The following CTSG variants were observed in gnomAD, a reference collection of about 807,000 sequenced individuals.
The protein encoded by CTSG is cathepsin G.
In CTSG, 23 loss-of-function variants were observed where a neutral mutation model predicts 23.0. That is an observed-to-expected ratio of 1.00 (90% CI 0.72 to 1.42). The LOEUF (loss-of-function observed/expected upper bound fraction) is 1.42, where lower values mean the gene tolerates loss of function less well. Ranked by LOEUF, CTSG falls within the 40% of genes most tolerant of loss-of-function variation. The probability of loss-of-function intolerance (pLI) is 0.00; values close to 1 mark genes in which losing one functional copy is unlikely to be tolerated. For synonymous variants in CTSG, 140 were observed against 130.4 expected, an observed-to-expected ratio of 1.07 and a Z score of -0.50; for missense variants, 312 against 326.2, an observed-to-expected ratio of 0.96 and a Z score of 0.33.
chr14:24,573,533 G>T lies in CTSG; in HGVS notation c.*104C>A, dbSNP rs2066725059. 8.5e-7 allele frequency: 1 copy of T among 1,180,160 alleles called. No homozygotes were observed. Among genetic ancestry groups the T allele is most frequent in the Admixed American group, 2.3e-5 (1 of 43,252 alleles). 73.1% of individuals were successfully genotyped at this position (1,180,160 alleles called of 1,614,324 possible). On this transcript the variant is annotated 3_prime_UTR_variant, in exon 5 of 5. Transcript: ENST00000216336. ...CCAAACAAACTAAGTACTGAATGAC[G>T]TTTAATGAACAAATGAGGAATTGGT...
intron 2 of CTSG, 37 bp downstream of exon 2, chr14:24,575,228 T>C (rs1000333362): frequency 6.2e-7 from 1 of 1,612,992 alleles, no homozygotes; most frequent in Admixed American, 1.7e-5. Flanking sequence ...CGCAGGGCTG[T>C]GTTCCTGGCT....
chr14:24,573,922 G>A (rs2066727589), intron 4 of CTSG, 112 bp from the exon 5 acceptor site: 1 of 981,960 alleles, frequency 1.0e-6, no homozygotes, highest in Admixed American at 2.4e-5. Context: ...ATTGCTGGGT[G>A]TGTGTGAGAT....
chr14:24,573,832 G>A, intron 4 of CTSG, 22 bp from the exon 5 acceptor site: 2 of 1,604,208 alleles, frequency 1.2e-6, no homozygotes, highest in Non-Finnish European at 1.7e-6. Flanking sequence ...GAGGAGAAGG[G>A]AGACTGAGAC....
In CTSG at chr14:24,575,384, C is replaced by T. The variant is rs2066736881; in HGVS notation, c.84G>A (p.Arg28=). The T allele has an allele frequency of 9.9e-6, 16 of 1,614,068 alleles. No individual in the cohort carries two copies. The highest frequency in any genetic ancestry group is 2.7e-5 in the African/African-American group (2 of 74,918). The change falls in exon 2 of 5, where the codon AGG becomes AGA. Residue 28 remains arginine (R), a synonymous_variant. Transcript: ENST00000216336. The part of the protein sequence containing the change: ...AGEIIGGRES[R]PHSRPYMAYL... ...ACGCCATGTAGGGGCGGGAGTGGGG[C>T]CTGCTCTCCCGGCCTCCGATGATCT...
Position 24,575,207 on chromosome 14 carries a change from C to G in CTSG, c.203+58G>C, listed in dbSNP as rs1594807362. ...ACTCTTCTTTCAGATGGCTCTTCCA[C>G]CGAAGAGCTCCGCAGGGCTGTGTTC... On this transcript the variant is annotated intron_variant, in intron 2 of 4. Transcript: ENST00000216336. 4 of 1,598,142 alleles carry G rather than the reference C, an allele frequency of 2.5e-6. No homozygotes were observed. In the East Asian group the frequency reaches 8.9e-5, roughly 36 times the overall value.
Position 24,573,741 on chromosome 14 carries a change from C to A in CTSG, c.664G>T (p.Gly222Trp), listed in dbSNP as rs752781132. The A allele has an allele frequency of 6.2e-7, 1 of 1,614,150 alleles. No homozygotes were observed. Among genetic ancestry groups the A allele is most frequent in the South Asian group, 1.1e-5 (1 of 91,086 alleles). Residue 222 changes from glycine to tryptophan, a missense_variant, in exon 5 of 5, where the codon GGG (glycine) becomes TGG (tryptophan). By Grantham distance (184) the Gly-to-Trp change is radical. Coordinates refer to ENST00000216336, the MANE Select transcript of CTSG (RefSeq NM_001911.3). ...HGIVSYGKSS[G>W]VPPEVFTRVS... ...CTGGTGAAGACTTCTGGAGGAACCC[C>A]TGACGACTTTCCATAGGAGACGATG...
rs2066728718 is a variant in CTSG at position 24,574,164 on chromosome 14, G to A, written c.594+81C>T. ...GGTCTGGCTGCCAGGCTGAGGCTGT[G>A]GGGATGGAATCTGTTCGCACTGCCT... On this transcript the variant is annotated intron_variant, in intron 4 of 4. Transcript: ENST00000216336. The A allele has an allele frequency of 3.9e-6, 6 of 1,537,888 alleles. No homozygotes were observed. In the African/African-American group the frequency reaches 4.1e-5, roughly 10 times the overall value.
chr14:24,573,808 C>T lies in CTSG; in HGVS notation c.597G>A (p.Gly199=), dbSNP rs139142097. The T allele has an allele frequency of 6.6e-5, 107 of 1,613,530 alleles. 1 individual carries two copies. Among genetic ancestry groups the T allele is most frequent in the Admixed American group, 4.3e-4 (26 of 59,988 alleles). ...DRRERKAAFK[G]DSGGPLLCNN... ...TACACAGCAGGGGGCCTCCGGAATC[C>T]CCCTGTAGGTAGAGAGGAGAAGGGA... Residue 199 remains glycine, a splice_region_variant and synonymous_variant, in exon 5 of 5, where the codon GGG becomes GGA. Coordinates refer to ENST00000216336, the MANE Select transcript of CTSG (RefSeq NM_001911.3).
In CTSG at chr14:24,574,412, T is replaced by A. The variant is rs1469427807; in HGVS notation, c.427A>T (p.Thr143Ser). The A allele has an allele frequency of 1.9e-6, 3 of 1,613,344 alleles. No homozygotes were observed. In the African/African-American group the frequency reaches 4.0e-5, roughly 21 times the overall value. The part of the protein sequence containing the change: ...QEGLRPGTLC[T>S]VAGWGRVSMR... ...CTGACCCTGCCCCAGCCGGCCACAGTGCACAGCGTCCCGGGTCTCAGTCCC... is the reference window on the plus strand; with the variant it reads ...CTGACCCTGCCCCAGCCGGCCACAGAGCACAGCGTCCCGGGTCTCAGTCCC... The change falls in exon 4 of 5, where the codon ACT becomes TCT. Residue 143 changes from threonine (T) to serine (S), a missense_variant. Physicochemically the swap from Thr to Ser is moderately conservative, Grantham distance 58. Transcript: ENST00000216336.
At chr14:24,574,942 G>A in intron 2 of CTSG, 132 bp from the exon 3 acceptor site, 1 of 1,166,850 alleles carries the variant, frequency 8.6e-7, no homozygotes, top group Non-Finnish European at 1.2e-6. Flanking sequence ...CTGGGGCTCA[G>A]CTGTATCCTC....
chr14:24,573,877 C>T, intron 4 of CTSG, 67 bp from the exon 5 acceptor site: 1 of 1,465,052 alleles, frequency 6.8e-7, no homozygotes, highest in Non-Finnish European at 9.3e-7. Context: ...GAGCTCCGGG[C>T]TCTCAGGGAA....
chr14:24,575,166 C>A, intron 2 of CTSG, 99 bp downstream of exon 2: 1 of 1,407,992 alleles, frequency 7.1e-7, no homozygotes. Flanking sequence ...CTTTCTTTCA[C>A]CCTTTCATTG....
intron 4 of CTSG, 109 bp from the exon 5 acceptor site, chr14:24,573,919 GGT>G: frequency 9.9e-7 from 1 of 1,012,066 alleles, no homozygotes; most frequent in South Asian, 1.5e-5. Context: ...TCAATTGCTG[GGT>G]GTGTGTGAGA....
Position 24,576,177 on chromosome 14 carries a change from G to A in CTSG, c.47C>T (p.Ala16Val). The change falls in exon 1 of 5, where the codon GCT becomes GTT. Residue 16 changes from alanine to valine, a missense_variant. Ala to Val is a moderately conservative substitution (Grantham distance 64, BLOSUM62 0). Coordinates refer to ENST00000216336, the MANE Select transcript of CTSG (RefSeq NM_001911.3). ...LLLAFLLPTG[A>V]EAGEIIGGRE... Reference sequence around the variant, plus strand: ...TGGGGATGGTCACTCACCTGCCTCAGCCCCAGTGGGTAGGAGAAAGGCCAG... The same window carrying A: ...TGGGGATGGTCACTCACCTGCCTCAACCCCAGTGGGTAGGAGAAAGGCCAG... 6.2e-7 allele frequency: 1 copy of A among 1,610,236 alleles called. No individual in the cohort carries two copies.
In CTSG at chr14:24,574,345, C is replaced by T; in HGVS notation, c.494G>A (p.Arg165Lys). 6.2e-7 allele frequency: 1 copy of T among 1,607,342 alleles called. No individual in the cohort carries two copies. The highest frequency in any genetic ancestry group is 8.5e-7 in the Non-Finnish European group (1 of 1,179,982). ...GAGGCACTGCCTATCCCTCTGCACT[C>T]TCAGCTGCACCTCTCGGAGTGTATC... ...GTDTLREVQL[R>K]VQRDRQCLRI... is the part of the protein sequence containing the mutation. Residue 165 changes from arginine (R) to lysine (K), a missense_variant, in exon 4 of 5, where the codon AGA (arginine) becomes AAA (lysine). Transcript: ENST00000216336.
In CTSG at chr14:24,573,715, C is replaced by A; in HGVS notation, c.690G>T (p.Arg230Ser). The A allele has an allele frequency of 6.2e-7, 1 of 1,614,040 alleles. No homozygotes were observed. The highest frequency in any genetic ancestry group is 8.5e-7 in the Non-Finnish European group (1 of 1,179,998). The change falls in exon 5 of 5, where the codon AGG becomes AGT. Residue 230 changes from arginine to serine, a missense_variant. Physicochemically the swap from Arg to Ser is moderately radical, Grantham distance 110. Transcript: ENST00000216336. ...TTATCCAGGGCAGGAAACTTGAGAC[C>A]CTGGTGAAGACTTCTGGAGGAACCC... is the stretch of plus-strand genomic sequence containing the variant. ...SSGVPPEVFTRVSSFLPWIRT... is the reference protein window; with the variant it reads ...SSGVPPEVFTSVSSFLPWIRT...
chr14:24,575,797 G>A (rs2066739195), intron 1 of CTSG, among the ~76,000 whole-genome samples: 2 of 152,136 alleles, frequency 1.3e-5, no homozygotes, highest in African/African-American at 4.8e-5. Context: ...GCTTCCCAGA[G>A]CCCTCTGAGT....
intron 4 of CTSG, 150 bp from the exon 5 acceptor site, chr14:24,573,960 G>A: frequency 2.6e-6 from 2 of 783,730 alleles, no homozygotes; most frequent in Non-Finnish European, 4.0e-6. Context: ...CAGGAGCCAA[G>A]CCTCTGGATC....
chr14:24,575,232 C>A, intron 2 of CTSG, 33 bp downstream of exon 2: 1 of 1,613,786 alleles, frequency 6.2e-7, no homozygotes, highest in Middle Eastern at 1.7e-4. Flanking sequence ...GGGCTGTGTT[C>A]CTGGCTGGCC....
Sources: gnomAD v4.1 joint callset for allele counts (sites outside exome capture counted in the v4.1 genomes callset) on GRCh38, gnomAD v4.1.1 for gene constraint, MANE v1.5 for transcripts, NCBI Gene and HGNC (gene_info 2026-07-23, HGNC 2026-07-21) for gene names.